The following TNR variants were observed in gnomAD, a reference collection of about 807,000 sequenced individuals.
TNR encodes the protein tenascin R.
Under a neutral mutation model 150.4 loss-of-function variants are expected in TNR, and 45 were observed. The ratio of observed to expected loss-of-function variants is 0.30; its 90% CI spans 0.24 to 0.38. The LOEUF (loss-of-function observed/expected upper bound fraction) is 0.38. TNR is among the 10% of genes least tolerant of loss of function. The probability of loss-of-function intolerance (pLI) is 1.00; values close to 1 mark genes in which losing one functional copy is unlikely to be tolerated. For missense variants in TNR, 1,544 were observed against 1,759.1 expected, an observed-to-expected ratio of 0.88 and a Z score of 2.19; for synonymous variants, 687 against 678.4, an observed-to-expected ratio of 1.01 and a Z score of -0.20.
At position 175,359,728 on chromosome 1, in the gene TNR, A is replaced by G. The variant is rs1226105224; in HGVS notation, c.2858T>C (p.Met953Thr). The change falls in exon 15 of 23, where the codon ATG (methionine) becomes ACG (threonine). Residue 953 changes from methionine (M) to threonine (T), a missense_variant. Around this residue, in one of 2 missense-constraint regions of TNR, gnomAD observed 1,254 missense variants for 1,329.4 expected, o/e 0.94. Transcript: ENST00000367674. ...AGCAATCAGATCCACAGGGTTGTCC[A>G]TGGCTGAAACAGAATAGATTATCAG... ...ERICTLVHTA[M>T]DNPVDLIATN... 1.2e-6 allele frequency: 2 copies of G among 1,610,168 alleles called. No homozygotes were observed. Among genetic ancestry groups the G allele is most frequent in the African/African-American group, 1.3e-5 (1 of 74,858 alleles).
chr1:175,516,189 A>G (rs1471048762), intron 2 of TNR, among the ~76,000 whole-genome samples: 1 of 152,202 alleles, frequency 6.6e-6, no homozygotes, highest in Non-Finnish European at 1.5e-5. Context: ...TGAATTACCT[A>G]ATAGCACCTG....
At chr1:175,531,769 T>C (rs957768706) in intron 1 of TNR, among the ~76,000 whole-genome samples, 1 of 152,262 alleles carries the variant, frequency 6.6e-6, no homozygotes, top group East Asian at 1.9e-4. Context: ...GAAATATGTC[T>C]AGAAAATGTG....
intron 2 of TNR, among the ~76,000 whole-genome samples, chr1:175,462,797 A>G (rs1024924938): frequency 6.6e-6 from 1 of 152,170 alleles, no homozygotes; most frequent in African/African-American, 2.4e-5. Context: ...TTCCACCACC[A>G]CCCACAGACA....
chr1:175,634,430 T>C (rs968717898), intron 1 of TNR, among the ~76,000 whole-genome samples: 1 of 152,212 alleles, frequency 6.6e-6, no homozygotes, highest in Non-Finnish European at 1.5e-5. Context: ...CTGATGGGCC[T>C]TTATCATCTT....
intron 13 of TNR, among the ~76,000 whole-genome samples, 187 bp downstream of exon 13, chr1:175,363,521 T>A (rs900784432): frequency 1.3e-5 from 2 of 152,190 alleles, no homozygotes; most frequent in Admixed American, 1.3e-4. Flanking sequence ...TAATCAAGCC[T>A]TTCTCAAGAG....
At chr1:175,354,577 TG>T in intron 17 of TNR, 54 bp from the exon 18 acceptor site, 1 of 1,611,594 alleles carries the variant, frequency 6.2e-7, no homozygotes, top group Non-Finnish European at 8.5e-7. Flanking sequence ...GCTTGCAATT[TG>T]GGAAAGTAGG....
At chr1:175,634,948 G>T (rs777921380) in intron 1 of TNR, among the ~76,000 whole-genome samples, 4 of 152,162 alleles carry the variant, frequency 2.6e-5, no homozygotes, top group Admixed American at 6.5e-5. Context: ...TTCTCTTAAT[G>T]GCAAAGGTTC....
intron 1 of TNR, among the ~76,000 whole-genome samples, chr1:175,687,205 C>T (rs1487216684): frequency 1.3e-5 from 2 of 152,118 alleles, no homozygotes; most frequent in African/African-American, 4.8e-5. Context: ...TGTCCTGCCT[C>T]CCTCCACTAA....
chr1:175,523,149 A>C (rs2102171698), intron 2 of TNR, among the ~76,000 whole-genome samples: 2 of 152,260 alleles, frequency 1.3e-5, no homozygotes, highest in Non-Finnish European at 2.9e-5. Flanking sequence ...CCTTTCAACC[A>C]CTTCCCTTGA....
chr1:175,653,819 T>C (rs1447045736), intron 1 of TNR, among the ~76,000 whole-genome samples: 1 of 152,232 alleles, frequency 6.6e-6, no homozygotes, highest in African/African-American at 2.4e-5. Flanking sequence ...TCACATTAAA[T>C]TGATGCTATT....
At chr1:175,547,623 A>G (rs1248835175) in intron 1 of TNR, among the ~76,000 whole-genome samples, 1 of 139,904 alleles carries the variant, frequency 7.1e-6, no homozygotes, top group African/African-American at 2.9e-5. Context: ...CAAAGAAACA[A>G]AGAAAGAAAG....
intron 2 of TNR, among the ~76,000 whole-genome samples, chr1:175,509,449 C>A (rs1659080775): frequency 6.6e-6 from 1 of 152,154 alleles, no homozygotes; most frequent in Non-Finnish European, 1.5e-5. Context: ...GAGTTTTTCT[C>A]CTGCCTCCTG....
At chr1:175,635,844 T>C (rs536636881) in intron 1 of TNR, among the ~76,000 whole-genome samples, 1 of 152,278 alleles carries the variant, frequency 6.6e-6, no homozygotes, top group African/African-American at 2.4e-5. Context: ...TTCCTGAGTG[T>C]TTTAGAAATA....
intron 5 of TNR, among the ~76,000 whole-genome samples, chr1:175,394,169 T>C (rs1055649853): frequency 6.6e-6 from 1 of 152,266 alleles, no homozygotes; most frequent in African/African-American, 2.4e-5. Context: ...AATAGGTTAC[T>C]ATTAAAATGC....
At chr1:175,587,910 G>A (rs2101835269) in intron 1 of TNR, among the ~76,000 whole-genome samples, 1 of 152,306 alleles carries the variant, frequency 6.6e-6, no homozygotes, top group African/African-American at 2.4e-5. Flanking sequence ...CAAACAGTGA[G>A]GGCCACTCAC....
intron 7 of TNR, among the ~76,000 whole-genome samples, chr1:175,388,598 T>C (rs1327835340): frequency 6.6e-6 from 1 of 152,228 alleles, no homozygotes; most frequent in African/African-American, 2.4e-5. Context: ...CACTCTTGGA[T>C]TCTGCCCTTT....
intron 1 of TNR, among the ~76,000 whole-genome samples, chr1:175,729,595 T>C (rs1021204514): frequency 6.6e-6 from 1 of 152,142 alleles, no homozygotes. Flanking sequence ...GCCTAGTCTC[T>C]TCCTTCCTCC....
At chr1:175,527,085 C>T (rs1406645177) in intron 2 of TNR, among the ~76,000 whole-genome samples, 3 of 152,244 alleles carry the variant, frequency 2.0e-5, no homozygotes, top group Non-Finnish European at 4.4e-5. Flanking sequence ...CATTGTAATA[C>T]ACTGCCAGTG....
chr1:175,526,822 A>C (rs1158500222), intron 2 of TNR, among the ~76,000 whole-genome samples: 1 of 152,188 alleles, frequency 6.6e-6, no homozygotes, highest in East Asian at 1.9e-4. Flanking sequence ...CTATTTGGTA[A>C]CTCCTGCAAT....
Sources: gnomAD v4.1 joint callset for allele counts (sites outside exome capture counted in the v4.1 genomes callset) on GRCh38, gnomAD v4.1.1 for gene constraint, gnomAD v4.1.1 regional missense constraint, MANE v1.5 for transcripts, NCBI Gene and HGNC (gene_info 2026-07-23, HGNC 2026-07-21) for gene names.